ADGRL2: variants seen among roughly 807,000 people sequenced by gnomAD.
ADGRL2 encodes adhesion G protein-coupled receptor L2.
ADGRL2 carries 44 observed loss-of-function variants against 157.4 expected under a neutral mutation model. That is an observed-to-expected ratio of 0.28 (90% CI 0.22 to 0.36). ADGRL2 has a LOEUF of 0.36. Ranked by LOEUF, ADGRL2 falls within the 10% of genes least tolerant of loss-of-function variation. The probability of loss-of-function intolerance (pLI) is 1.00; values close to 1 mark genes in which losing one functional copy is unlikely to be tolerated. For missense variants in ADGRL2, 1,510 were observed against 1,768.9 expected (o/e 0.85, Z 2.63); for synonymous variants, 585 against 624.7 (o/e 0.94, Z 0.95).
intron 1 of ADGRL2, among the ~76,000 whole-genome samples, chr1:81,712,102 A>G (rs1316267653): frequency 2.0e-5 from 3 of 152,116 alleles, no homozygotes; most frequent in Non-Finnish European, 2.9e-5. Flanking sequence ...TGCTTTGTAA[A>G]GTGTAAAGAC....
intron 2 of ADGRL2, among the ~76,000 whole-genome samples, chr1:81,901,414 A>G (rs947086315): frequency 6.6e-6 from 1 of 152,174 alleles, no homozygotes; most frequent in African/African-American, 2.4e-5. Flanking sequence ...TTTGTTGTAC[A>G]AATTACAGAT....
chr1:81,748,329 T>G (rs2085371261), intron 1 of ADGRL2, among the ~76,000 whole-genome samples: 1 of 151,546 alleles, frequency 6.6e-6, no homozygotes. Context: ...ATACAAAAAT[T>G]AGCTGGGCAC....
chr1:81,388,081 C>T (rs925194050), intron 1 of ADGRL2, among the ~76,000 whole-genome samples: 32 of 152,036 alleles, frequency 2.1e-4, no homozygotes, highest in African/African-American at 6.5e-4. Context: ...CTTTTTATAG[C>T]TTCTGTTTCT....
intron 1 of ADGRL2, among the ~76,000 whole-genome samples, chr1:81,309,541 A>G (rs1458624269): frequency 6.6e-6 from 1 of 152,140 alleles, no homozygotes; most frequent in African/African-American, 2.4e-5. Flanking sequence ...CCCCACAAAT[A>G]GCAAAAGTGC....
At chr1:81,990,365 T>C (rs1361566091) in intron 23 of ADGRL2, 26 bp from the exon 24 acceptor site, 2 of 1,600,144 alleles carry the variant, frequency 1.2e-6, no homozygotes, top group Non-Finnish European at 1.7e-6. Context: ...GAGACAGTAA[T>C]GATAACTCCC....
intron 1 of ADGRL2, among the ~76,000 whole-genome samples, chr1:81,760,458 T>C (rs1470031535): frequency 1.3e-5 from 2 of 152,112 alleles, no homozygotes; most frequent in African/African-American, 2.4e-5. Context: ...CCTTACTGTA[T>C]TTTGTTTCTT....
chr1:81,333,617 C>T (rs1661428880), intron 1 of ADGRL2, among the ~76,000 whole-genome samples: 2 of 151,886 alleles, frequency 1.3e-5, no homozygotes, highest in African/African-American at 2.4e-5. Flanking sequence ...GGTGTTTCAC[C>T]ATCTTGGCCA....
intron 2 of ADGRL2, among the ~76,000 whole-genome samples, chr1:81,566,631 G>A (rs895243027): frequency 6.6e-6 from 1 of 151,930 alleles, no homozygotes; most frequent in African/African-American, 2.4e-5. Context: ...TATCTCCCAG[G>A]TACATTTTGC....
intron 2 of ADGRL2, among the ~76,000 whole-genome samples, chr1:81,784,742 A>G (rs2086960788): frequency 6.6e-6 from 1 of 151,720 alleles, no homozygotes; most frequent in South Asian, 2.1e-4. Flanking sequence ...AAAAAAAAAA[A>G]AAAATTGCAG....
At chr1:81,854,599 G>A (rs903005956) in intron 2 of ADGRL2, among the ~76,000 whole-genome samples, 1 of 152,166 alleles carries the variant, frequency 6.6e-6, no homozygotes, top group African/African-American at 2.4e-5. Context: ...TTGAACATTT[G>A]CCATGTGCTC....
chr1:81,598,373 T>C (rs2081276042), intron 3 of ADGRL2, among the ~76,000 whole-genome samples: 1 of 152,150 alleles, frequency 6.6e-6, no homozygotes, highest in Admixed American at 6.5e-5. Context: ...AGAGAGTAGG[T>C]AAGAGAGAAT....
intron 2 of ADGRL2, among the ~76,000 whole-genome samples, chr1:81,473,314 T>C (rs569981501): frequency 2.0e-5 from 3 of 152,278 alleles, no homozygotes; most frequent in African/African-American, 7.2e-5. Flanking sequence ...CACTGTTCTG[T>C]ATGGTAGGCC....
chr1:81,529,032 A>G (rs1570399945), intron 2 of ADGRL2, among the ~76,000 whole-genome samples: 1 of 152,360 alleles, frequency 6.6e-6, no homozygotes, highest in South Asian at 2.1e-4. Flanking sequence ...TGTTGCTAGA[A>G]AAGGTGAAAA....
In ADGRL2 at chr1:81,540,984, T is replaced by C. The variant is rs548077923; in HGVS notation, c.-247-39892T>C. 3.3e-5 allele frequency among the ~76,000 whole-genome samples: 5 copies of C among 152,196 alleles called. No homozygotes were observed. In the South Asian group the frequency reaches 8.3e-4, roughly 25 times the overall value. ...ATTTTATACCTAATGGTATATACAA[T>C]CAATCAATGAACAATCACATTCTGA... is the stretch of plus-strand genomic sequence containing the variant. On this transcript the variant is annotated intron_variant, in intron 2 of 24. Coordinates refer to the ADGRL2 transcript ENST00000370721.
chr1:81,845,265 C>G (rs1307824187), intron 2 of ADGRL2, among the ~76,000 whole-genome samples: 1 of 151,932 alleles, frequency 6.6e-6, no homozygotes, highest in African/African-American at 2.4e-5. Context: ...TTCTACTTGC[C>G]AGCCATTTGT....
intron 2 of ADGRL2, among the ~76,000 whole-genome samples, chr1:81,884,672 T>C (rs764296496): frequency 1.3e-5 from 2 of 152,194 alleles, no homozygotes; most frequent in Admixed American, 6.5e-5. Context: ...CTTATAAATA[T>C]GCTACGTAAG....
intron 3 of ADGRL2, among the ~76,000 whole-genome samples, chr1:81,657,214 G>C (rs879407753): frequency 6.6e-6 from 1 of 152,082 alleles, no homozygotes; most frequent in Admixed American, 6.5e-5. Flanking sequence ...GCTTTGGAGA[G>C]TCAATTAAGT....
intron 2 of ADGRL2, among the ~76,000 whole-genome samples, chr1:81,772,309 G>C (rs2086408453): frequency 1.3e-5 from 2 of 150,964 alleles, no homozygotes; most frequent in South Asian, 2.1e-4. Context: ...TAACATGTAA[G>C]CACTTCTTTG....
intron 3 of ADGRL2, among the ~76,000 whole-genome samples, chr1:81,660,487 C>T (rs562576354): frequency 6.6e-6 from 1 of 152,266 alleles, no homozygotes; most frequent in East Asian, 1.9e-4. Flanking sequence ...ACTGACCTAA[C>T]ACCTCCAAAA....
Sources: gnomAD v4.1 joint callset for allele counts (sites outside exome capture counted in the v4.1 genomes callset) on GRCh38, gnomAD v4.1.1 for gene constraint, MANE v1.5 for transcripts, NCBI Gene and HGNC (gene_info 2026-07-23, HGNC 2026-07-21) for gene names.